Variants in ARHGAP23 observed in about 807,000 individuals in gnomAD.
The protein encoded by ARHGAP23 is Rho GTPase activating protein 23.
Under a neutral mutation model 136.3 loss-of-function variants are expected in ARHGAP23, and 34 were observed. The observed-to-expected ratio is 0.25, with a 90% confidence interval of 0.19 to 0.33. The LOEUF (loss-of-function observed/expected upper bound fraction) is 0.33, where lower values mean the gene tolerates loss of function less well. ARHGAP23 is among the 10% of genes least tolerant of loss of function. The pLI is 1.00. For missense variants in ARHGAP23, 1,808 were observed against 2,139.0 expected, an observed-to-expected ratio of 0.85 and a Z score of 3.05; for synonymous variants, 832 against 920.5, an observed-to-expected ratio of 0.90 and a Z score of 1.74.
In ARHGAP23 at chr17:38,510,578, C is replaced by CGCT; in HGVS notation, c.4084_4086dup (p.Leu1362dup). 3.2e-6 allele frequency: 4 copies of CGCT among 1,258,748 alleles called. No homozygotes were observed. The highest frequency in any genetic ancestry group is 3.0e-6 in the Non-Finnish European group (3 of 1,003,402). The allele number at this position is 1,258,748 out of a possible 1,614,324, so 78.0% of individuals were successfully genotyped here. A position where few individuals can be genotyped will look rare whatever the true frequency, so the allele number is the denominator to read the frequency against. On this transcript the variant is annotated inframe_insertion, in exon 24 of 24. Coordinates refer to ENST00000622683, the MANE Select transcript of ARHGAP23 (RefSeq NM_001199417.2). This position sits in a 1 kb window ranked among gnomAD's most constrained non-coding sequence, Gnocchi z 4.6. ...GAGTCGCTGCGGCCCCCGGCGGCGG[C>CGCT]GCTGGCCTCCCGGCCCTCGCGCATG...
intron 1 of ARHGAP23, among the ~76,000 whole-genome samples, chr17:38,447,437 GAAAAA>G (rs71138625): frequency 0.011 from 281 of 25,612 alleles, 1 homozygote; most frequent in African/African-American, 0.036. Flanking sequence ...GACTCCGTCT[GAAAAA>G]AAAAAAAAAA....
intron 1 of ARHGAP23, among the ~76,000 whole-genome samples, chr17:38,440,975 T>C (rs1483538075): frequency 1.3e-5 from 2 of 152,146 alleles, no homozygotes; most frequent in Non-Finnish European, 2.9e-5. Flanking sequence ...GTCAGTGGGA[T>C]TTTGGCCACG....
In ARHGAP23 at chr17:38,499,676, G is replaced by A. The variant is rs961351016; in HGVS notation, c.3416-921G>A. Reference sequence around the variant, plus strand: ...CTTCTAATCACCCGCCGCCCCCCGCGCCCTGTGTGTCGTGTGTGGTCGCCC... The same window carrying A: ...CTTCTAATCACCCGCCGCCCCCCGCACCCTGTGTGTCGTGTGTGGTCGCCC... On this transcript the variant is annotated intron_variant, in intron 22 of 23. Coordinates refer to ENST00000622683, the MANE Select transcript of ARHGAP23 (RefSeq NM_001199417.2). 4.6e-5 allele frequency among the ~76,000 whole-genome samples: 7 copies of A among 152,238 alleles called. No individual in the cohort carries two copies. In the South Asian group the frequency reaches 6.2e-4, roughly 14 times the overall value.
At chr17:38,460,774 C>G in intron 2 of ARHGAP23, 131 bp from the exon 3 acceptor site, 1 of 1,527,200 alleles carries the variant, frequency 6.5e-7, no homozygotes, top group Middle Eastern at 2.1e-4. Context: ...CCCGCACCCT[C>G]CCCTGCTGGG....
At chr17:38,428,796 T>C (rs1286934426) in intron 1 of ARHGAP23, among the ~76,000 whole-genome samples, 1 of 152,034 alleles carries the variant, frequency 6.6e-6, no homozygotes, top group Non-Finnish European at 1.5e-5. Context: ...GGCACGGGGC[T>C]GTCAGGACAG....
intron 2 of ARHGAP23, 144 bp downstream of exon 2, chr17:38,458,407 G>T: frequency 8.4e-7 from 1 of 1,189,414 alleles, no homozygotes; most frequent in East Asian, 2.7e-5. Flanking sequence ...TTCTGCTGTG[G>T]CCTGGGGAGG....
chr17:38,485,547 G>A (rs1375796548), intron 16 of ARHGAP23, among the ~76,000 whole-genome samples: 4 of 152,186 alleles, frequency 2.6e-5, no homozygotes, highest in Non-Finnish European at 4.4e-5. Flanking sequence ...GGGCTGGGGT[G>A]CAGGTGACAG....
At chr17:38,446,862 G>A (rs1239821677) in intron 1 of ARHGAP23, among the ~76,000 whole-genome samples, 1 of 151,992 alleles carries the variant, frequency 6.6e-6, no homozygotes. Context: ...CTGAAGAGCA[G>A]TAGTGTGATC....
rs2038516917 is a variant in ARHGAP23 at position 38,421,151 on chromosome 17, G to A, written n.120+1752G>A. ...TCCCCTGTACCCTCCCCTGGGAGGA[G>A]AAACATCAAGGGGAGTCAGGACATT... On this transcript the variant is annotated intron_variant and non_coding_transcript_variant, in intron 1 of 4. Transcript: ENST00000633445. 2.6e-5 allele frequency among the ~76,000 whole-genome samples: 4 copies of A among 152,350 alleles called. No individual in the cohort carries two copies. The South Asian group carries it at 8.3e-4, about 32-fold the overall frequency.
intron 1 of ARHGAP23, chr17:38,450,790 A>G (rs1280805788): frequency 6.6e-6 from 1 of 152,276 alleles, no homozygotes; most frequent in Non-Finnish European, 1.5e-5. Context: ...AGAACAAGTG[A>G]AAGTGCTTTC....
Position 38,510,763 on chromosome 17 carries a change from A to G in ARHGAP23, c.4267A>G (p.Lys1423Glu). The change falls in exon 24 of 24, where the codon AAG becomes GAG. Residue 1423 changes from lysine to glutamate, a missense_variant. Physicochemically the swap from Lys to Glu is moderately conservative, Grantham distance 56. Around this residue, in one of 7 missense-constraint regions of ARHGAP23, gnomAD observed 506 missense variants for 455.8 expected, o/e 1.11. Coordinates refer to ENST00000622683, the MANE Select transcript of ARHGAP23 (RefSeq NM_001199417.2). This position sits in a 1 kb window ranked among gnomAD's most constrained non-coding sequence, Gnocchi z 4.6. ...PLTDLNFNEW[K>E]ELGGGGPPEP... ...GACTGACCTCAACTTCAACGAGTGG[A>G]AGGAGCTGGGCGGAGGGGGCCCCCC... 2 of 1,488,092 alleles carry G rather than the reference A, an allele frequency of 1.3e-6. No homozygotes were observed. The highest frequency in any genetic ancestry group is 1.8e-6 in the Non-Finnish European group (2 of 1,121,680). The allele number at this position is 1,488,092 out of a possible 1,614,324, so 92.2% of individuals were successfully genotyped here. A position where few individuals can be genotyped will look rare whatever the true frequency, so the allele number is the denominator to read the frequency against.
chr17:38,478,050 G>C (rs945453550), intron 12 of ARHGAP23, among the ~76,000 whole-genome samples, 154 bp downstream of exon 12: 1 of 152,188 alleles, frequency 6.6e-6, no homozygotes, highest in African/African-American at 2.4e-5. Flanking sequence ...CCAAGGTTTC[G>C]GGGTGAGGAG....
Position 38,477,881 on chromosome 17 carries a change from C to G in ARHGAP23, c.2421C>G (p.Ser807Arg). ...GGATCAGAGCGATCCGGGAGAACAG[C>G]AGGGCCGAGGGCGAGGTGAGGGCCC... ...LGWIRAIREN[S>R]RAEGEDPGCA... is the part of the protein sequence containing the mutation. Residue 807 changes from serine to arginine, a missense_variant, in exon 12 of 24, where the codon AGC (serine) becomes AGG (arginine). By Grantham distance (110) the Ser-to-Arg change is moderately radical. This residue lies in a region of ARHGAP23 where 139 missense variants were observed against 264.3 expected (regional missense o/e 0.53). Coordinates refer to ENST00000622683, the MANE Select transcript of ARHGAP23 (RefSeq NM_001199417.2). This position sits in a 1 kb window ranked among gnomAD's most constrained non-coding sequence, Gnocchi z 6.6. The G allele has an allele frequency of 6.5e-7, 1 of 1,548,188 alleles. No individual in the cohort carries two copies. The highest frequency in any genetic ancestry group is 2.0e-5 in the Admixed American group (1 of 50,978).
At chr17:38,460,398 G>A (rs1228906272) in intron 2 of ARHGAP23, among the ~76,000 whole-genome samples, 1 of 152,094 alleles carries the variant, frequency 6.6e-6, no homozygotes, top group Non-Finnish European at 1.5e-5. Context: ...TGTGCTGTGA[G>A]CGCTTATCCC....
chr17:38,505,587 AACAGATATTGGAATGC>A (rs2040616783), intron 23 of ARHGAP23, among the ~76,000 whole-genome samples: 1 of 152,180 alleles, frequency 6.6e-6, no homozygotes, highest in South Asian at 2.1e-4. Flanking sequence ...TTGCATTGAC[AACAGATATTGGAATGC>A]AGGGATTCCC....
chr17:38,482,231 C>T (rs1164435246), intron 15 of ARHGAP23, 88 bp downstream of exon 15: 1 of 1,514,252 alleles, frequency 6.6e-7, no homozygotes, highest in Non-Finnish European at 8.8e-7. Flanking sequence ...GGAACCAGCT[C>T]TCCACCTCAT....
At position 38,511,751 on chromosome 17, in the gene ARHGAP23, G is replaced by C. The variant is rs1308422592; in HGVS notation, c.*779G>C. 2 of 152,126 alleles carry C rather than the reference G, an allele frequency of 1.3e-5. No homozygotes were observed. Among genetic ancestry groups the C allele is most frequent in the African/African-American group, 4.8e-5 (2 of 41,368 alleles). The allele number at this position is 152,126 out of a possible 1,614,324, so 9.4% of individuals were successfully genotyped here. Reference sequence around the variant, plus strand: ...TCCCCAGACAGTTTTTGGTGGGGGGGGTCCAGGGTCCCCCTTGCTGGTACC... The same window carrying C: ...TCCCCAGACAGTTTTTGGTGGGGGGCGTCCAGGGTCCCCCTTGCTGGTACC... On this transcript the variant is annotated 3_prime_UTR_variant, in exon 24 of 24. Coordinates refer to ENST00000622683, the MANE Select transcript of ARHGAP23 (RefSeq NM_001199417.2).
Position 38,510,766 on chromosome 17 carries a change from G to C in ARHGAP23, c.4270G>C (p.Glu1424Gln). Residue 1424 changes from glutamate to glutamine, a missense_variant, in exon 24 of 24, where the codon GAG (glutamate) becomes CAG (glutamine). Around this residue, in one of 7 missense-constraint regions of ARHGAP23, gnomAD observed 506 missense variants for 455.8 expected, o/e 1.11. Transcript: ENST00000622683. This position sits in a 1 kb window ranked among gnomAD's most constrained non-coding sequence, Gnocchi z 4.6. ...TGACCTCAACTTCAACGAGTGGAAG[G>C]AGCTGGGCGGAGGGGGCCCCCCGGA... ...LTDLNFNEWK[E>Q]LGGGGPPEPA... The C allele has an allele frequency of 6.7e-7, 1 of 1,494,918 alleles. No homozygotes were observed. The highest frequency in any genetic ancestry group is 8.9e-7 in the Non-Finnish European group (1 of 1,124,754). The allele number at this position is 1,494,918 out of a possible 1,614,324, so 92.6% of individuals were successfully genotyped here.
At chr17:38,484,573 A>G (rs1489464666) in intron 16 of ARHGAP23, among the ~76,000 whole-genome samples, 1 of 151,954 alleles carries the variant, frequency 6.6e-6, no homozygotes, top group Non-Finnish European at 1.5e-5. Flanking sequence ...CAGACACTTC[A>G]CTCTGGAGGA....
Sources: gnomAD v4.1 joint callset for allele counts (sites outside exome capture counted in the v4.1 genomes callset) on GRCh38, gnomAD v4.1.1 for gene constraint, gnomAD v4.1.1 regional missense constraint, Gnocchi (gnomAD v3.1) non-coding constraint, MANE v1.5 for transcripts, NCBI Gene and HGNC (gene_info 2026-07-23, HGNC 2026-07-21) for gene names.